The following CSTPP1 variants were observed in gnomAD, a reference collection of about 807,000 sequenced individuals.
The protein encoded by CSTPP1 is UPF0705 protein C11orf49.
the CSTPP1 span, among the ~76,000 whole-genome samples, chr11:47,129,410 C>G: frequency 6.6e-6 from 1 of 152,206 alleles, no homozygotes. Flanking sequence ...GCCAGAGTAG[C>G]TAGCCCCGTT....
the CSTPP1 span, among the ~76,000 whole-genome samples, chr11:47,018,981 C>T: frequency 1.3e-5 from 2 of 151,790 alleles, no homozygotes; most frequent in African/African-American, 4.8e-5. Flanking sequence ...TTTTCATTCT[C>T]TTCTCAGTGT....
the CSTPP1 span, chr11:47,162,253 G>C: frequency 2.0e-6 from 2 of 985,418 alleles, no homozygotes; most frequent in Admixed American, 6.1e-5. Flanking sequence ...GGTAACTGGT[G>C]AGTCTAAAGC....
the CSTPP1 span, among the ~76,000 whole-genome samples, chr11:47,158,621 G>A: frequency 3.9e-5 from 6 of 152,046 alleles, no homozygotes; most frequent in Admixed American, 2.6e-4. Context: ...CTGCAGCCTC[G>A]ACCTCCCGGG....
the CSTPP1 span, among the ~76,000 whole-genome samples, chr11:47,012,968 T>C: frequency 6.8e-6 from 1 of 147,838 alleles, no homozygotes; most frequent in East Asian, 1.9e-4. Flanking sequence ...TCCTGTGCCC[T>C]TGCTGTATTG....
At chr11:47,028,605 C>T in the CSTPP1 span, among the ~76,000 whole-genome samples, 1 of 152,170 alleles carries the variant, frequency 6.6e-6, no homozygotes, top group Non-Finnish European at 1.5e-5. Context: ...AAGGCAACTT[C>T]TGTGCAAATA....
the CSTPP1 span, chr11:46,987,351 G>A: frequency 6.5e-7 from 1 of 1,531,464 alleles, no homozygotes; most frequent in East Asian, 2.2e-5. Flanking sequence ...GAACCCAGAG[G>A]AGGCGCTTGG....
the CSTPP1 span, among the ~76,000 whole-genome samples, chr11:46,968,853 C>T: frequency 6.6e-6 from 1 of 150,588 alleles, no homozygotes; most frequent in Non-Finnish European, 1.5e-5. Context: ...GAGCCGAGAT[C>T]GTGCCACTGC....
At chr11:47,110,340 T>C in the CSTPP1 span, among the ~76,000 whole-genome samples, 4 of 152,306 alleles carry the variant, frequency 2.6e-5, no homozygotes, top group African/African-American at 9.6e-5. Flanking sequence ...ATTAAGAACT[T>C]CTAAAGCAAA....
chr11:46,937,721 TA>T, the CSTPP1 span, among the ~76,000 whole-genome samples: 1 of 152,078 alleles, frequency 6.6e-6, no homozygotes, highest in African/African-American at 2.4e-5. Context: ...GTATACTTAA[TA>T]GAGACGGGGT....
chr11:47,055,980 T>A, the CSTPP1 span, among the ~76,000 whole-genome samples: 1 of 152,234 alleles, frequency 6.6e-6, no homozygotes, highest in Non-Finnish European at 1.5e-5. Context: ...GCTCGTGCTA[T>A]GTTATCAGAG....
the CSTPP1 span, among the ~76,000 whole-genome samples, chr11:47,044,176 A>G: frequency 6.6e-6 from 1 of 151,968 alleles, no homozygotes; most frequent in Admixed American, 6.6e-5. Flanking sequence ...TTTAGTAGAG[A>G]CAGGGTTTCA....
the CSTPP1 span, chr11:47,137,195 G>A: frequency 1.9e-6 from 2 of 1,048,082 alleles, no homozygotes; most frequent in Non-Finnish European, 1.3e-6. Context: ...CAGCAAGACT[G>A]TTTGCGTTAG....
the CSTPP1 span, among the ~76,000 whole-genome samples, chr11:46,986,902 A>T: frequency 2.0e-5 from 3 of 152,246 alleles, no homozygotes; most frequent in Non-Finnish European, 4.4e-5. Flanking sequence ...TATCTGCTGA[A>T]TGGTGCTAAA....
At chr11:47,152,818 G>A in the CSTPP1 span, among the ~76,000 whole-genome samples, 2 of 152,332 alleles carry the variant, frequency 1.3e-5, no homozygotes, top group Admixed American at 1.3e-4. Context: ...CACGGGGAAA[G>A]CCTTGGGCTC....
At chr11:47,090,228 G>A in the CSTPP1 span, among the ~76,000 whole-genome samples, 3 of 152,098 alleles carry the variant, frequency 2.0e-5, no homozygotes, top group South Asian at 2.1e-4. Context: ...CAGGTGATCC[G>A]CCCGCCTTGG....
the CSTPP1 span, among the ~76,000 whole-genome samples, chr11:47,018,493 C>T: frequency 6.6e-6 from 1 of 151,904 alleles, no homozygotes; most frequent in Non-Finnish European, 1.5e-5. Flanking sequence ...CGGGGTTTCA[C>T]CATCTTGGCC....
the CSTPP1 span, among the ~76,000 whole-genome samples, chr11:47,085,711 G>A: frequency 4.0e-5 from 6 of 151,872 alleles, no homozygotes; most frequent in African/African-American, 1.5e-4. Flanking sequence ...CTAACATGAC[G>A]AAACCCCGTC....
the CSTPP1 span, among the ~76,000 whole-genome samples, chr11:46,955,899 G>T: frequency 6.6e-6 from 1 of 151,274 alleles, no homozygotes; most frequent in East Asian, 2.0e-4. Flanking sequence ...TGAGGCAGGA[G>T]AATCGCCCGA....
At chr11:47,141,194 A>T in the CSTPP1 span, among the ~76,000 whole-genome samples, 181 of 152,268 alleles carry the variant, frequency 1.2e-3, no homozygotes, top group African/African-American at 4.3e-3. Context: ...ACCACAGTCC[A>T]TTGTAGAATG....
Sources: gnomAD v4.1 joint callset for allele counts (sites outside exome capture counted in the v4.1 genomes callset) on GRCh38, gnomAD v4.1.1 for gene constraint, MANE v1.5 for transcripts, NCBI Gene and HGNC (gene_info 2026-07-23, HGNC 2026-07-21) for gene names.